The following TAFA1 variants were observed in gnomAD, a reference collection of about 807,000 sequenced individuals.
TAFA1 encodes chemokine-like protein TAFA-1.
TAFA1 carries 4 observed loss-of-function variants against 18.5 expected under a neutral mutation model. That is an observed-to-expected ratio of 0.22 (90% confidence interval 0.11 to 0.49). The LOEUF is 0.49. Among genes scored for constraint, TAFA1 ranks in the 20% least tolerant of loss-of-function variants. TAFA1 has a pLI of 0.98. For synonymous variants in TAFA1, 56 were observed against 55.2 expected (o/e 1.01, Z -0.06); for missense variants, 147 against 169.0 (o/e 0.87, Z 0.72).
chr3:68,453,956 C>G (rs529819017), intron 3 of TAFA1, among the ~76,000 whole-genome samples: 1 of 152,240 alleles, frequency 6.6e-6, no homozygotes, highest in South Asian at 2.1e-4. Context: ...TAAATAAAGG[C>G]TTAAGGAGAA....
chr3:68,337,626 G>A (rs1174225848), intron 2 of TAFA1, among the ~76,000 whole-genome samples: 1 of 152,136 alleles, frequency 6.6e-6, no homozygotes, highest in Non-Finnish European at 1.5e-5. Flanking sequence ...ACCTGCAAAA[G>A]CTTCCTGTGT....
intron 2 of TAFA1, among the ~76,000 whole-genome samples, chr3:68,036,295 C>T (rs1705045846): frequency 6.6e-6 from 1 of 151,872 alleles, no homozygotes; most frequent in South Asian, 2.1e-4. Flanking sequence ...AAAAATTAGC[C>T]ATGCATGGTG....
chr3:68,009,972 T>A (rs1704438641), intron 2 of TAFA1, among the ~76,000 whole-genome samples: 1 of 152,156 alleles, frequency 6.6e-6, no homozygotes, highest in African/African-American at 2.4e-5. Flanking sequence ...TCTCATTTTC[T>A]CAAATCGGTT....
chr3:68,486,308 A>T (rs527363598), intron 3 of TAFA1, among the ~76,000 whole-genome samples: 199 of 151,730 alleles, frequency 1.3e-3, no homozygotes, highest in African/African-American at 3.8e-3. Flanking sequence ...TTACTAAATT[A>T]AAAAAAAGCC....
At chr3:68,261,168 T>A (rs1211189953) in intron 2 of TAFA1, among the ~76,000 whole-genome samples, 4 of 152,036 alleles carry the variant, frequency 2.6e-5, no homozygotes, top group Non-Finnish European at 5.9e-5. Flanking sequence ...GAAAAAATGC[T>A]CATCATCACT....
intron 2 of TAFA1, among the ~76,000 whole-genome samples, chr3:68,242,794 G>C (rs1417958095): frequency 6.6e-6 from 1 of 152,044 alleles, no homozygotes; most frequent in East Asian, 1.9e-4. Context: ...AGCATATGGT[G>C]ACTCTTAAGT....
At chr3:68,305,409 C>CTATATATATATATATATA (rs773025236) in intron 2 of TAFA1, among the ~76,000 whole-genome samples, 2 of 38,200 alleles carry the variant, frequency 5.2e-5, no homozygotes, top group Non-Finnish European at 9.2e-5. Context: ...GACTATATGA[C>CTATATATATATATATATA]TATATATATA....
chr3:68,211,172 T>G (rs1345010621), intron 2 of TAFA1, among the ~76,000 whole-genome samples: 10 of 151,970 alleles, frequency 6.6e-5, no homozygotes, highest in Non-Finnish European at 5.9e-5. Context: ...TTCTACAATA[T>G]CTTATCGGCT....
chr3:68,375,175 T>G (rs2069784952), intron 2 of TAFA1, among the ~76,000 whole-genome samples: 1 of 152,132 alleles, frequency 6.6e-6, no homozygotes, highest in African/African-American at 2.4e-5. Flanking sequence ...TCTAGCCTCA[T>G]TTTTCTCTCT....
chr3:68,217,874 G>A (rs766023899), intron 2 of TAFA1, among the ~76,000 whole-genome samples: 10 of 151,594 alleles, frequency 6.6e-5, no homozygotes, highest in Non-Finnish European at 1.5e-4. Flanking sequence ...ATTTTTTCTT[G>A]CCTAATGTTA....
At chr3:68,466,945 T>C (rs1431485545) in intron 3 of TAFA1, among the ~76,000 whole-genome samples, 1 of 152,200 alleles carries the variant, frequency 6.6e-6, no homozygotes, top group Non-Finnish European at 1.5e-5. Context: ...AAGTTTTTAT[T>C]AGCCAATTTT....
intron 2 of TAFA1, among the ~76,000 whole-genome samples, chr3:68,370,219 C>T (rs192921748): frequency 0.016 from 1,869 of 120,380 alleles, 88 homozygotes; most frequent in African/African-American, 0.056. Flanking sequence ...ACCCGGGAGG[C>T]GGAGGTTGCA....
intron 3 of TAFA1, among the ~76,000 whole-genome samples, chr3:68,506,553 A>G (rs2072759709): frequency 6.6e-6 from 1 of 152,130 alleles, no homozygotes; most frequent in African/African-American, 2.4e-5. Context: ...GCTGGTGGAA[A>G]CACTGTGTGG....
chr3:68,052,992 G>A (rs1356773069), intron 2 of TAFA1, among the ~76,000 whole-genome samples: 3 of 152,268 alleles, frequency 2.0e-5, no homozygotes, highest in Admixed American at 1.3e-4. Flanking sequence ...GACAGGAAAT[G>A]TTTACTTCAC....
Position 68,425,542 on chromosome 3 carries a change from G to C in TAFA1, c.259+8122G>C, listed in dbSNP as rs1252138451. Among the ~76,000 whole-genome samples the C allele has an allele frequency of 3.9e-5, 6 of 152,022 alleles. 1 individual carries two copies. In the South Asian group the frequency reaches 1.2e-3, roughly 32 times the overall value. On this transcript the variant is annotated intron_variant, in intron 3 of 4. Transcript: ENST00000478136. ...CAAATCCTCCTTGAAACAGCATTTA[G>C]TCCCCAACTTGGCACCTAAGCATGT...
At chr3:68,391,302 A>G (rs1225758494) in intron 2 of TAFA1, among the ~76,000 whole-genome samples, 1 of 152,196 alleles carries the variant, frequency 6.6e-6, no homozygotes, top group Non-Finnish European at 1.5e-5. Context: ...CATGAAGACA[A>G]GATTAGAGAA....
intron 2 of TAFA1, among the ~76,000 whole-genome samples, chr3:68,149,419 G>T (rs1450903792): frequency 6.6e-6 from 1 of 152,126 alleles, no homozygotes; most frequent in African/African-American, 2.4e-5. Context: ...AGCTTATTTG[G>T]CTCACAGTTC....
the TAFA1 span, among the ~76,000 whole-genome samples, chr3:67,994,359 G>T: frequency 6.6e-6 from 1 of 152,154 alleles, no homozygotes; most frequent in Non-Finnish European, 1.5e-5. Flanking sequence ...CTTACACAGG[G>T]CACTTCAGCT....
chr3:68,441,735 G>A (rs1360620991), intron 3 of TAFA1, among the ~76,000 whole-genome samples: 1 of 152,126 alleles, frequency 6.6e-6, no homozygotes, highest in Non-Finnish European at 1.5e-5. Context: ...CTGAACTGAG[G>A]GCTTCATGAG....
Sources: allele counts gnomAD v4.1 joint callset (sites outside exome capture counted in the v4.1 genomes callset), GRCh38; gene constraint gnomAD v4.1.1; transcripts MANE v1.5; gene names NCBI Gene and HGNC (gene_info 2026-07-23, HGNC 2026-07-21).